Variants in SPATA22 observed in about 807,000 individuals in gnomAD.
The protein encoded by SPATA22 is spermatogenesis-associated protein 22.
In SPATA22, 29 loss-of-function variants were observed where a neutral mutation model predicts 47.8. The observed-to-expected ratio is 0.61, with a 90% CI of 0.45 to 0.83. SPATA22 has a LOEUF of 0.83. Among genes scored for constraint, SPATA22 ranks in the 40% least tolerant of loss-of-function variants. The pLI, the probability that SPATA22 is intolerant of heterozygous loss-of-function variation, is 0.00. For missense variants in SPATA22, 410 were observed against 421.7 expected (o/e 0.97, Z 0.24); for synonymous variants, 133 against 140.9 (o/e 0.94, Z 0.40).
chr17:3,484,124 T>C (rs1365155078), intron 1 of SPATA22, among the ~76,000 whole-genome samples: 1 of 152,244 alleles, frequency 6.6e-6, no homozygotes, highest in Non-Finnish European at 1.5e-5. Context: ...CTGTAATGCT[T>C]GGCCCTTCTA....
At position 3,494,444 on chromosome 17, in the gene SPATA22, C is replaced by A; in HGVS notation, c.-74+18968G>T. ...AAAATGGAGAAATTGCTGCTATCAT[C>A]CATCCTAATCTGCAGGTAACATTTG... is the stretch of plus-strand genomic sequence containing the variant. On this transcript the variant is annotated intron_variant, in intron 1 of 8. Coordinates refer to the SPATA22 transcript ENST00000541913. The A allele has an allele frequency of 6.2e-7, 1 of 1,604,324 alleles. No individual in the cohort carries two copies. Among genetic ancestry groups the A allele is most frequent in the Non-Finnish European group, 8.5e-7 (1 of 1,171,054 alleles).
intron 5 of SPATA22, among the ~76,000 whole-genome samples, chr17:3,453,224 C>T (rs948728045): frequency 2.6e-5 from 4 of 152,152 alleles, no homozygotes; most frequent in African/African-American, 9.7e-5. Flanking sequence ...TACTTCAAAC[C>T]TTAGCATCAC....
intron 3 of SPATA22, among the ~76,000 whole-genome samples, chr17:3,465,643 G>T (rs8082312): frequency 1.3e-5 from 2 of 150,252 alleles, no homozygotes; most frequent in Admixed American, 6.6e-5. Flanking sequence ...CAAACACTGC[G>T]GAAGGCCGCA....
intron 3 of SPATA22, among the ~76,000 whole-genome samples, chr17:3,464,300 G>A (rs1474931792): frequency 1.3e-5 from 2 of 151,334 alleles, no homozygotes; most frequent in African/African-American, 4.8e-5. Flanking sequence ...TGCCCAGGCT[G>A]GAGTGCAGTG....
chr17:3,479,429 T>C (rs1476503405), intron 1 of SPATA22, among the ~76,000 whole-genome samples: 1 of 152,248 alleles, frequency 6.6e-6, no homozygotes, highest in Non-Finnish European at 1.5e-5. Flanking sequence ...TTGCATACAA[T>C]AGGAACCTAA....
At chr17:3,455,361 G>A (rs1451556856) in intron 5 of SPATA22, among the ~76,000 whole-genome samples, 4 of 151,644 alleles carry the variant, frequency 2.6e-5, no homozygotes, top group Admixed American at 1.3e-4. Flanking sequence ...TAGACATGAA[G>A]TCCTTGCCCA....
intron 8 of SPATA22, among the ~76,000 whole-genome samples, chr17:3,442,104 T>C (rs552487337): frequency 2.2e-4 from 34 of 152,128 alleles, no homozygotes; most frequent in African/African-American, 7.9e-4. Flanking sequence ...CACAGAACTG[T>C]ACAGTTATGA....
At chr17:3,505,808 A>G (rs1732813429) in intron 1 of SPATA22, among the ~76,000 whole-genome samples, 2 of 148,890 alleles carry the variant, frequency 1.3e-5, no homozygotes, top group South Asian at 4.2e-4. Flanking sequence ...CCCAGGCTGC[A>G]GTACAGTGGC....
At chr17:3,508,869 G>A (rs146027207) in intron 1 of SPATA22, among the ~76,000 whole-genome samples, 1 of 131,808 alleles carries the variant, frequency 7.6e-6, no homozygotes, top group African/African-American at 3.0e-5. Flanking sequence ...CCTGCACATC[G>A]TACACATGTA....
chr17:3,459,080 C>T lies in SPATA22; in HGVS notation c.329+3403G>A, dbSNP rs543102615. Among the ~76,000 whole-genome samples, 5 of 119,608 alleles carry T rather than the reference C, an allele frequency of 4.2e-5. No individual in the cohort carries two copies. The South Asian group carries it at 1.3e-3, about 31-fold the overall frequency. 78.5% of individuals were successfully genotyped at this position (119,608 alleles called of 152,430 possible). ...GTGTGGGATCTTTACAAATCAAACT[C>T]ATAGAAGCAGAGCGTAGAATAGTGG... On this transcript the variant is annotated intron_variant, in intron 5 of 8. Transcript: ENST00000572969.
intron 1 of SPATA22, among the ~76,000 whole-genome samples, chr17:3,471,176 G>A (rs1597416073): frequency 1.3e-5 from 2 of 152,006 alleles, no homozygotes; most frequent in African/African-American, 4.8e-5. Context: ...GAGGGAGGAA[G>A]GGAGGGAGGG....
At chr17:3,496,083 G>C (rs1421982795) in intron 1 of SPATA22, among the ~76,000 whole-genome samples, 1 of 152,176 alleles carries the variant, frequency 6.6e-6, no homozygotes, top group Admixed American at 6.5e-5. Context: ...TAGCAAACTG[G>C]GCTAGTGGTA....
At chr17:3,500,092 C>G (rs9890041) in intron 1 of SPATA22, 145,894 of 152,326 alleles carry the variant, frequency 0.96, 70,169 homozygotes, top group East Asian at 1. Flanking sequence ...GCATGACCCA[C>G]AGCAAGGCCC....
At chr17:3,454,357 T>C (rs1001132946) in intron 5 of SPATA22, among the ~76,000 whole-genome samples, 15 of 152,104 alleles carry the variant, frequency 9.9e-5, no homozygotes, top group African/African-American at 3.6e-4. Context: ...TGTGCAGGTT[T>C]GTTACATATG....
rs558362510 is a variant in SPATA22, at chr17:3,487,931, GCA to G, written c.-73-18535_-73-18534del. On this transcript the variant is annotated intron_variant, in intron 1 of 8. Coordinates refer to the SPATA22 transcript ENST00000541913. ...TCACATATTTGTGTAAGTCATTTAT[GCA>G]CAGATGCATACCTTAGCCACATTTA... Among the ~76,000 whole-genome samples, 5 of 152,280 alleles carry G rather than the reference GCA, an allele frequency of 3.3e-5. No homozygotes were observed. In the East Asian group the frequency reaches 9.6e-4, roughly 29 times the overall value.
At chr17:3,480,431 T>C (rs1449587679) in intron 1 of SPATA22, among the ~76,000 whole-genome samples, 2 of 152,178 alleles carry the variant, frequency 1.3e-5, no homozygotes, top group Non-Finnish European at 2.9e-5. Context: ...GGTAAAATCA[T>C]AGGGAGTTGG....
At chr17:3,449,736 T>C (rs2072813226) in intron 5 of SPATA22, among the ~76,000 whole-genome samples, 1 of 152,232 alleles carries the variant, frequency 6.6e-6, no homozygotes, top group African/African-American at 2.4e-5. Context: ...ATTAAGTGTG[T>C]TATATCAGCT....
At chr17:3,469,710 G>A (rs1410918391) in intron 1 of SPATA22, among the ~76,000 whole-genome samples, 1 of 152,158 alleles carries the variant, frequency 6.6e-6, no homozygotes, top group African/African-American at 2.4e-5. Flanking sequence ...AGAGGAAAAT[G>A]GACCACAGCG....
chr17:3,505,281 C>T (rs1317985818), intron 1 of SPATA22, among the ~76,000 whole-genome samples: 4 of 152,196 alleles, frequency 2.6e-5, no homozygotes, highest in African/African-American at 4.8e-5. Context: ...AAGTTATTGT[C>T]TGTCTCTGAT....
Sources: allele counts gnomAD v4.1 joint callset (sites outside exome capture counted in the v4.1 genomes callset), GRCh38; gene constraint gnomAD v4.1.1; transcripts MANE v1.5; gene names NCBI Gene and HGNC (gene_info 2026-07-23, HGNC 2026-07-21).